Variants in KCNK2 observed in about 807,000 individuals in gnomAD.
The protein encoded by KCNK2 is potassium two pore domain channel subfamily K member 2.
Under a neutral mutation model 40.5 loss-of-function variants are expected in KCNK2, and 21 were observed. The ratio of observed to expected loss-of-function variants is 0.52; its 90% CI spans 0.37 to 0.75. KCNK2 has a LOEUF of 0.75. KCNK2 is among the 30% of genes least tolerant of loss of function. The pLI, the probability that KCNK2 is intolerant of heterozygous loss-of-function variation, is 0.00. For synonymous variants in KCNK2, 191 were observed against 202.2 expected, an observed-to-expected ratio of 0.94 and a Z score of 0.47; for missense variants, 399 against 531.6, an observed-to-expected ratio of 0.75 and a Z score of 2.45.
At chr1:215,180,143 C>A (rs1230112827) in intron 5 of KCNK2, among the ~76,000 whole-genome samples, 1 of 152,060 alleles carries the variant, frequency 6.6e-6, no homozygotes, top group African/African-American at 2.4e-5. Flanking sequence ...CTGTTGTTGG[C>A]TTAAAGTCTG....
chr1:215,209,382 AAT>A (rs57107621), intron 6 of KCNK2, among the ~76,000 whole-genome samples: 34,350 of 70,564 alleles, frequency 0.49, 9,736 homozygotes, highest in East Asian at 0.62. Flanking sequence ...TTATATATAA[AAT>A]ATATATATTA....
intron 3 of KCNK2, among the ~76,000 whole-genome samples, chr1:215,154,515 T>C (rs187148658): frequency 1.6e-3 from 237 of 152,258 alleles, no homozygotes; most frequent in Non-Finnish European, 2.6e-3. Flanking sequence ...AAAAATTTCC[T>C]CCCATTCTGT....
intron 1 of KCNK2, among the ~76,000 whole-genome samples, chr1:215,009,225 G>T (rs1007951989): frequency 2.0e-5 from 3 of 151,988 alleles, no homozygotes; most frequent in East Asian, 1.9e-4. Context: ...GTGTCAATTT[G>T]TTCCAAACAC....
intron 1 of KCNK2, among the ~76,000 whole-genome samples, chr1:215,066,620 G>C (rs1237155608): frequency 6.6e-6 from 1 of 152,132 alleles, no homozygotes; most frequent in African/African-American, 2.4e-5. Context: ...TCTCATTTCT[G>C]ATTCCTGGCT....
chr1:215,103,179 A>G (rs12086417), intron 2 of KCNK2, among the ~76,000 whole-genome samples: 1 of 151,626 alleles, frequency 6.6e-6, no homozygotes, highest in African/African-American at 2.4e-5. Context: ...CGATATAGGG[A>G]GAGAGGAGAT....
In KCNK2 at chr1:215,015,837, T is replaced by C. The variant is rs548154782; in HGVS notation, c.34+9882T>C. The stretch of plus-strand genomic sequence containing the variant: ...CTGAAACGATAATACTGAGCAAACA[T>C]AAAATTGAGGGTTACCTTGGAGGCA... On this transcript the variant is annotated intron_variant, in intron 1 of 6. Transcript: ENST00000391895. Among the ~76,000 whole-genome samples, 11 of 152,202 alleles carry C rather than the reference T, an allele frequency of 7.2e-5. No homozygotes were observed. The South Asian group carries it at 1.0e-3, about 14-fold the overall frequency.
Position 215,124,766 on chromosome 1 carries a change from T to G in KCNK2, c.475+16T>G. On this transcript the variant is annotated intron_variant, in intron 3 of 6. Coordinates refer to ENST00000444842, the MANE Select transcript of KCNK2 (RefSeq NM_001017425.3). ...ACAACCATAGGTAGGAGACAACTTA[T>G]TTTTGTTTTTTGTTTTGATACCGTT... 7.1e-7 allele frequency: 1 copy of G among 1,414,546 alleles called. No individual in the cohort carries two copies. The highest frequency in any genetic ancestry group is 1.0e-6 in the Non-Finnish European group (1 of 1,000,262). The allele number at this position is 1,414,546 out of a possible 1,614,324, so 87.6% of individuals were successfully genotyped here. A position where few individuals can be genotyped will look rare whatever the true frequency, so the allele number is the denominator to read the frequency against.
intron 1 of KCNK2, among the ~76,000 whole-genome samples, chr1:215,045,840 GT>G (rs1657748519): frequency 6.6e-6 from 1 of 152,190 alleles, no homozygotes; most frequent in Admixed American, 6.5e-5. Flanking sequence ...TTCTGTAAAA[GT>G]GCTGATGTGT....
At chr1:215,024,802 C>A (rs1360695675) in intron 1 of KCNK2, among the ~76,000 whole-genome samples, 1 of 152,066 alleles carries the variant, frequency 6.6e-6, no homozygotes, top group African/African-American at 2.4e-5. Flanking sequence ...AAAACCAAAA[C>A]CAATTGCCCC....
intron 6 of KCNK2, among the ~76,000 whole-genome samples, chr1:215,222,917 A>C (rs148953069): frequency 6.6e-6 from 1 of 152,248 alleles, no homozygotes; most frequent in Non-Finnish European, 1.5e-5. Flanking sequence ...AATTATTTTT[A>C]CAAATTTAGC....
intron 3 of KCNK2, among the ~76,000 whole-genome samples, chr1:215,151,901 T>A (rs967704244): frequency 1.3e-5 from 2 of 152,164 alleles, no homozygotes; most frequent in Non-Finnish European, 2.9e-5. Flanking sequence ...TTTTTAACTC[T>A]TGTCCATTAC....
chr1:215,035,732 G>T (rs1657361480), intron 1 of KCNK2, among the ~76,000 whole-genome samples: 1 of 152,008 alleles, frequency 6.6e-6, no homozygotes, highest in African/African-American at 2.4e-5. Context: ...GAACATACGT[G>T]TTCAATTCAC....
chr1:215,182,264 A>G (rs1387149144), intron 5 of KCNK2, among the ~76,000 whole-genome samples: 1 of 152,100 alleles, frequency 6.6e-6, no homozygotes, highest in Non-Finnish European at 1.5e-5. Flanking sequence ...GGGCAGAGCT[A>G]TTCAGGCTGC....
intron 2 of KCNK2, among the ~76,000 whole-genome samples, chr1:215,121,174 A>G (rs1661174330): frequency 6.6e-6 from 1 of 152,250 alleles, no homozygotes; most frequent in Non-Finnish European, 1.5e-5. Context: ...TTGGTTTTCC[A>G]GGTAAAAACC....
intron 5 of KCNK2, among the ~76,000 whole-genome samples, chr1:215,186,302 T>C (rs1383110220): frequency 6.6e-6 from 1 of 152,064 alleles, no homozygotes; most frequent in Non-Finnish European, 1.5e-5. Context: ...TCCTAGCTAT[T>C]TGGGAGGCTG....
chr1:215,141,412 A>G (rs1662168188), intron 3 of KCNK2, among the ~76,000 whole-genome samples: 1 of 152,090 alleles, frequency 6.6e-6, no homozygotes, highest in African/African-American at 2.4e-5. Flanking sequence ...CTATGATGTC[A>G]CTAGACGATA....
chr1:215,205,025 T>G (rs1365177785), intron 6 of KCNK2, among the ~76,000 whole-genome samples: 2 of 152,202 alleles, frequency 1.3e-5, no homozygotes, highest in East Asian at 3.9e-4. Context: ...TGTGTGCATG[T>G]GCACACATAC....
chr1:215,205,244 G>C (rs1343849179), intron 6 of KCNK2, among the ~76,000 whole-genome samples: 1 of 152,078 alleles, frequency 6.6e-6, no homozygotes, highest in Admixed American at 6.6e-5. Flanking sequence ...TGAATGGGAA[G>C]AAGATTTTTT....
chr1:215,229,095 G>A (rs1048028728), intron 6 of KCNK2, among the ~76,000 whole-genome samples: 2 of 151,828 alleles, frequency 1.3e-5, no homozygotes, highest in Non-Finnish European at 2.9e-5. Context: ...TATCATTAGT[G>A]TTAGTGTATT....
Sources: allele counts gnomAD v4.1 joint callset (sites outside exome capture counted in the v4.1 genomes callset), GRCh38; gene constraint gnomAD v4.1.1; transcripts MANE v1.5; gene names NCBI Gene and HGNC (gene_info 2026-07-23, HGNC 2026-07-21).